Variants in SLC24A2 observed in about 807,000 individuals in gnomAD.
SLC24A2 encodes the protein sodium/potassium/calcium exchanger 2.
In SLC24A2, 36 loss-of-function variants were observed where a neutral mutation model predicts 62.0. The observed-to-expected ratio is 0.58, with a 90% CI of 0.44 to 0.77. The LOEUF is 0.77. SLC24A2 is among the 30% of genes least tolerant of loss of function. The probability of loss-of-function intolerance (pLI) is 0.00; values close to 1 mark genes in which losing one functional copy is unlikely to be tolerated. For missense variants in SLC24A2, 846 were observed against 817.9 expected, an observed-to-expected ratio of 1.03 and a Z score of -0.42; for synonymous variants, 358 against 294.0, an observed-to-expected ratio of 1.22 and a Z score of -2.23.
the SLC24A2 span, among the ~76,000 whole-genome samples, chr9:20,082,989 G>A: frequency 6.6e-6 from 1 of 152,116 alleles, no homozygotes; most frequent in Non-Finnish European, 1.5e-5. Flanking sequence ...GCCTTTTCTT[G>A]GCATGAATGC....
the SLC24A2 span, among the ~76,000 whole-genome samples, chr9:20,167,240 G>A: frequency 2.0e-5 from 3 of 152,066 alleles, no homozygotes; most frequent in Non-Finnish European, 4.4e-5. Flanking sequence ...AAAAAAGAAT[G>A]GCAAGCAAAT....
At chr9:19,808,323 A>G in the SLC24A2 span, among the ~76,000 whole-genome samples, 3 of 152,230 alleles carry the variant, frequency 2.0e-5, no homozygotes, top group Non-Finnish European at 4.4e-5. The surrounding 1 kb of genome is among the most constrained non-coding windows in gnomAD (Gnocchi z 4.1). Flanking sequence ...TAAAAGGCAT[A>G]TGAGTAATGA....
chr9:20,270,196 AC>A, the SLC24A2 span, among the ~76,000 whole-genome samples: 8 of 152,094 alleles, frequency 5.3e-5, no homozygotes, highest in Non-Finnish European at 1.2e-4. Flanking sequence ...CAACCCCATG[AC>A]CCAAACAGCT....
chr9:19,773,943 A>G (rs1822766241), intron 2 of SLC24A2, among the ~76,000 whole-genome samples: 1 of 152,210 alleles, frequency 6.6e-6, no homozygotes, highest in South Asian at 2.1e-4. Flanking sequence ...ATAAAAGGAA[A>G]GCAAGGTCAA....
Position 19,642,671 on chromosome 9 carries a change from C to CTTTTTTTTTTTTTTTTTTTTTTT in SLC24A2, c.931-20395_931-20373dup, listed in dbSNP as rs71335440. Among the ~76,000 whole-genome samples, 6 of 79,850 alleles carry CTTTTTTTTTTTTTTTTTTTTTTT rather than the reference C, an allele frequency of 7.5e-5. 2 individuals carry two copies. The highest frequency in any genetic ancestry group is 4.9e-5 in the Non-Finnish European group (2 of 40,580). 52.4% of individuals were successfully genotyped at this position (79,850 alleles called of 152,430 possible). A position where few individuals can be genotyped will look rare whatever the true frequency, so the allele number is the denominator to read the frequency against. On this transcript the variant is annotated intron_variant, in intron 2 of 10. Transcript: ENST00000341998. ...AGAATGGTTTATATGAGAGCGTATT[C>CTTTTTTTTTTTTTTTTTTTTTTT]TTTTTTTTTTTTTTTTTTTTTTTTT... is the stretch of plus-strand genomic sequence containing the variant.
chr9:19,672,649 G>C (rs1369710141), intron 2 of SLC24A2, among the ~76,000 whole-genome samples: 2 of 146,122 alleles, frequency 1.4e-5, no homozygotes, highest in African/African-American at 5.4e-5. Context: ...TGTGCTTTCA[G>C]ACTTTTTGAT....
intron 5 of SLC24A2, among the ~76,000 whole-genome samples, chr9:19,585,574 T>A (rs1241291333): frequency 6.6e-6 from 1 of 152,224 alleles, no homozygotes; most frequent in Non-Finnish European, 1.5e-5. Context: ...CTCCTAGCCT[T>A]TCTTAGTGGA....
the SLC24A2 span, among the ~76,000 whole-genome samples, chr9:19,838,829 G>C: frequency 6.7e-6 from 1 of 149,624 alleles, no homozygotes; most frequent in Non-Finnish European, 1.5e-5. Flanking sequence ...CATAGGCATG[G>C]GCAAGGACTT....
chr9:19,545,223 A>G (rs1834491412), intron 8 of SLC24A2, among the ~76,000 whole-genome samples: 1 of 151,280 alleles, frequency 6.6e-6, no homozygotes, highest in Admixed American at 6.6e-5. Flanking sequence ...TGATTCAGCT[A>G]TTTATAGTTG....
chr9:19,723,901 AAGGTATGTC>A (rs1400532216), intron 2 of SLC24A2, among the ~76,000 whole-genome samples: 9 of 152,130 alleles, frequency 5.9e-5, no homozygotes, highest in African/African-American at 1.9e-4. Flanking sequence ...AGTGCTGTAT[AAGGTATGTC>A]TCTGTTGATG....
At chr9:20,149,235 A>G in the SLC24A2 span, among the ~76,000 whole-genome samples, 2 of 151,960 alleles carry the variant, frequency 1.3e-5, no homozygotes, top group Non-Finnish European at 2.9e-5. Context: ...TTCCTCTCTA[A>G]TCTCAGTCCA....
rs544445765 is a variant in SLC24A2 at position 19,776,441 on chromosome 9, C to A, written c.930+9496G>T. Among the ~76,000 whole-genome samples the A allele has an allele frequency of 3.9e-5, 6 of 152,288 alleles. No homozygotes were observed. In the East Asian group the frequency reaches 1.2e-3, roughly 29 times the overall value. On this transcript the variant is annotated intron_variant, in intron 2 of 10. Coordinates refer to ENST00000341998, the MANE Select transcript of SLC24A2 (RefSeq NM_020344.4). ...AGTAAGTACCTGGTATTAAGCACTG[C>A]CTACTTTTCAAATCCCTCTCTTCTC...
chr9:19,971,498 G>T, the SLC24A2 span, among the ~76,000 whole-genome samples: 1 of 152,192 alleles, frequency 6.6e-6, no homozygotes, highest in African/African-American at 2.4e-5. Flanking sequence ...GCCACTTCCA[G>T]GCAGGGGAAG....
At chr9:20,061,836 C>A in the SLC24A2 span, among the ~76,000 whole-genome samples, 3 of 151,634 alleles carry the variant, frequency 2.0e-5, no homozygotes, top group Non-Finnish European at 4.4e-5. Context: ...ACCTGGTAAA[C>A]GGGACTTTAC....
the SLC24A2 span, among the ~76,000 whole-genome samples, chr9:20,097,720 A>ATTTTTTTTTTTTTT: frequency 5.1e-4 from 35 of 69,110 alleles, 2 homozygotes; most frequent in East Asian, 2.0e-3. Context: ...ATCTTAAATA[A>ATTTTTTTTTTTTTT]TTTTTTTTTT....
chr9:19,924,953 A>T, the SLC24A2 span, among the ~76,000 whole-genome samples: 1 of 152,224 alleles, frequency 6.6e-6, no homozygotes, highest in Non-Finnish European at 1.5e-5. Flanking sequence ...AGTACTCTTG[A>T]AAGTCAGGCT....
the SLC24A2 span, among the ~76,000 whole-genome samples, chr9:20,220,281 T>C: frequency 5.3e-5 from 8 of 152,168 alleles, no homozygotes; most frequent in Non-Finnish European, 1.2e-4. Flanking sequence ...TCCCAGACTC[T>C]GACTACTTTC....
At chr9:20,067,597 T>G in the SLC24A2 span, among the ~76,000 whole-genome samples, 1 of 152,104 alleles carries the variant, frequency 6.6e-6, no homozygotes, top group Non-Finnish European at 1.5e-5. Flanking sequence ...CCAGGTGTAC[T>G]CAATGTTTAG....
At chr9:19,795,816 A>G in the SLC24A2 span, among the ~76,000 whole-genome samples, 2 of 152,050 alleles carry the variant, frequency 1.3e-5, no homozygotes, top group Non-Finnish European at 1.5e-5. Flanking sequence ...TTTACATCCT[A>G]TAATTATGTA....
Sources: allele counts gnomAD v4.1 joint callset (sites outside exome capture counted in the v4.1 genomes callset), GRCh38; gene constraint gnomAD v4.1.1; non-coding constraint Gnocchi (gnomAD v3.1); transcripts MANE v1.5; gene names NCBI Gene and HGNC (gene_info 2026-07-23, HGNC 2026-07-21).